The following SBF2 variants were observed in gnomAD, a reference collection of about 807,000 sequenced individuals.
The protein encoded by SBF2 is myotubularin-related protein 13.
SBF2 carries 112 observed loss-of-function variants against 225.2 expected under a neutral mutation model. The ratio of observed to expected loss-of-function variants is 0.50; its 90% CI spans 0.43 to 0.58. The LOEUF (loss-of-function observed/expected upper bound fraction) is 0.58, where lower values mean the gene tolerates loss of function less well. Among genes scored for constraint, SBF2 ranks in the 20% least tolerant of loss-of-function variants. SBF2 has a pLI of 0.00. For synonymous variants in SBF2, 763 were observed against 773.3 expected (o/e 0.99, Z 0.22); for missense variants, 1,996 against 2,206.2 (o/e 0.90, Z 1.91).
chr11:10,178,703 A>G (rs1262054736), intron 2 of SBF2, among the ~76,000 whole-genome samples: 2,562 of 126,648 alleles, frequency 0.02, 14 homozygotes, highest in Non-Finnish European at 0.026. Flanking sequence ...AACAGGTGCT[A>G]GAGAGGATGT....
intron 16 of SBF2, among the ~76,000 whole-genome samples, chr11:9,940,018 C>G (rs574376682): frequency 6.6e-6 from 1 of 152,010 alleles, no homozygotes; most frequent in Non-Finnish European, 1.5e-5. Context: ...TGAAGTAATT[C>G]GGTTTCAACA....
At chr11:10,076,503 C>T (rs1951118664) in intron 2 of SBF2, among the ~76,000 whole-genome samples, 2 of 152,152 alleles carry the variant, frequency 1.3e-5, no homozygotes, top group South Asian at 2.1e-4. Context: ...GGGCACTACC[C>T]GTTTGCAGCA....
chr11:9,815,281 TAAAAAAAAA>T (rs35464212), intron 29 of SBF2, among the ~76,000 whole-genome samples: 1 of 42,800 alleles, frequency 2.3e-5, no homozygotes, highest in Non-Finnish European at 3.8e-5. Flanking sequence ...CTACTAAAAC[TAAAAAAAAA>T]AAAAAAAAAA....
intron 32 of SBF2, among the ~76,000 whole-genome samples, chr11:9,801,119 T>C (rs1336191730): frequency 1.3e-5 from 2 of 152,230 alleles, no homozygotes; most frequent in African/African-American, 4.8e-5. Flanking sequence ...ATTAATTCTA[T>C]GTCAGCATTT....
At chr11:9,864,433 C>A (rs541371441) in intron 17 of SBF2, among the ~76,000 whole-genome samples, 1 of 151,158 alleles carries the variant, frequency 6.6e-6, no homozygotes, top group African/African-American at 2.4e-5. Flanking sequence ...GTGACCCAGG[C>A]TGGAGTGTAG....
chr11:10,253,836 C>T (rs959491082), intron 1 of SBF2, among the ~76,000 whole-genome samples: 5 of 151,820 alleles, frequency 3.3e-5, no homozygotes, highest in African/African-American at 9.7e-5. Context: ...GATAAAAAGC[C>T]TAGGTAAGCA....
At chr11:9,928,983 A>T in intron 16 of SBF2, 1 of 482,276 alleles carries the variant, frequency 2.1e-6, no homozygotes. Context: ...AACTTGCAAC[A>T]TCAACAATGC....
intron 16 of SBF2, among the ~76,000 whole-genome samples, chr11:9,954,122 TA>T (rs1367471525): frequency 6.6e-6 from 1 of 152,190 alleles, no homozygotes; most frequent in African/African-American, 2.4e-5. Flanking sequence ...AACAGTGCTA[TA>T]AAAAATTACA....
chr11:10,096,892 T>C (rs961635726), intron 2 of SBF2, among the ~76,000 whole-genome samples: 1 of 152,042 alleles, frequency 6.6e-6, no homozygotes, highest in Non-Finnish European at 1.5e-5. Context: ...GCAGCAACAA[T>C]AGAAATTAAG....
intron 1 of SBF2, among the ~76,000 whole-genome samples, chr11:10,201,820 A>T (rs907765643): frequency 6.6e-6 from 1 of 152,234 alleles, no homozygotes; most frequent in Admixed American, 6.5e-5. Context: ...ACATGGTGAA[A>T]CCCCATCTCT....
At chr11:10,243,821 A>C (rs1272772660) in intron 1 of SBF2, among the ~76,000 whole-genome samples, 1 of 152,190 alleles carries the variant, frequency 6.6e-6, no homozygotes, top group East Asian at 1.9e-4. Flanking sequence ...CCAAACAACA[A>C]AGAAAAGGTC....
intron 2 of SBF2, among the ~76,000 whole-genome samples, chr11:10,187,663 T>G (rs1956988299): frequency 6.6e-6 from 1 of 152,098 alleles, no homozygotes; most frequent in Non-Finnish European, 1.5e-5. Context: ...GGCATCTAAC[T>G]TGCTTTTTCG....
chr11:10,093,361 G>A (rs1951862468), intron 2 of SBF2, among the ~76,000 whole-genome samples: 1 of 146,448 alleles, frequency 6.8e-6, no homozygotes, highest in Non-Finnish European at 1.5e-5. Context: ...TATACTAACA[G>A]CTTCATCCAG....
At chr11:10,147,323 G>A (rs1954937825) in intron 2 of SBF2, among the ~76,000 whole-genome samples, 1 of 152,128 alleles carries the variant, frequency 6.6e-6, no homozygotes, top group African/African-American at 2.4e-5. Flanking sequence ...CAACCTAAAT[G>A]TCCATCAATG....
At chr11:10,057,880 A>T (rs1565181781) in intron 2 of SBF2, among the ~76,000 whole-genome samples, 1 of 152,164 alleles carries the variant, frequency 6.6e-6, no homozygotes. Context: ...ATCACACCCC[A>T]AAGCCTTAAC....
intron 1 of SBF2, among the ~76,000 whole-genome samples, chr11:10,255,872 T>C (rs1157958418): frequency 2.6e-5 from 4 of 152,188 alleles, no homozygotes; most frequent in Non-Finnish European, 5.9e-5. Flanking sequence ...CTGAGGAAAC[T>C]ATGTCAAAAC....
At chr11:9,925,582 G>T (rs1788833086) in intron 16 of SBF2, among the ~76,000 whole-genome samples, 1 of 152,154 alleles carries the variant, frequency 6.6e-6, no homozygotes, top group South Asian at 2.1e-4. Context: ...GTCCACTAAT[G>T]AGATATTTTA....
chr11:10,096,476 C>T (rs1360862381), intron 2 of SBF2, among the ~76,000 whole-genome samples: 2 of 148,532 alleles, frequency 1.3e-5, no homozygotes, highest in Non-Finnish European at 3.0e-5. Flanking sequence ...TTACTTATCT[C>T]TATTACTTTA....
intron 1 of SBF2, among the ~76,000 whole-genome samples, chr11:10,234,667 G>A (rs1958990474): frequency 6.6e-6 from 1 of 151,956 alleles, no homozygotes; most frequent in African/African-American, 2.4e-5. Context: ...ATCAAATGGT[G>A]GGATCAAAGA....
Sources: allele counts gnomAD v4.1 joint callset (sites outside exome capture counted in the v4.1 genomes callset), GRCh38; gene constraint gnomAD v4.1.1; transcripts MANE v1.5; gene names NCBI Gene and HGNC (gene_info 2026-07-23, HGNC 2026-07-21).